Variants in ZCCHC17 observed in about 807,000 individuals in gnomAD.
ZCCHC17 encodes zinc finger CCHC-type containing 17.
A neutral mutation model predicts 30.6 loss-of-function variants in ZCCHC17; 18 were observed. The observed-to-expected ratio is 0.59, with a 90% CI of 0.41 to 0.87. ZCCHC17 has a LOEUF of 0.87. ZCCHC17 is among the 40% of genes least tolerant of loss of function. The pLI, the probability that ZCCHC17 is intolerant of heterozygous loss-of-function variation, is 0.00. For missense variants in ZCCHC17, 263 were observed against 284.2 expected, an observed-to-expected ratio of 0.93 and a Z score of 0.54; for synonymous variants, 88 against 92.4, an observed-to-expected ratio of 0.95 and a Z score of 0.27.
In ZCCHC17 at chr1:31,349,203, A is replaced by G. The variant is rs565294761; in HGVS notation, c.564+229A>G. Among the ~76,000 whole-genome samples, 7 of 152,176 alleles carry G rather than the reference A, an allele frequency of 4.6e-5. No individual in the cohort carries two copies. The East Asian group carries it at 1.4e-3, about 29-fold the overall frequency. On this transcript the variant is annotated intron_variant, in intron 7 of 7. Transcript: ENST00000344147. ...ATAGTGAGACCCAATCTCTAAAAAG[A>G]AATTTTTTTTGTTAAAAAAAAAAGA... is the stretch of plus-strand genomic sequence containing the variant.
At position 31,350,110 on chromosome 1, in the gene ZCCHC17, A is replaced by G. The variant is rs16834392; in HGVS notation, c.564+1136A>G. Reference sequence around the variant, plus strand: ...ATTGTGGTCCAGAAAGAAACAGTGCATTTGTAGCATGCTACACAGACAATA... The same window carrying G: ...ATTGTGGTCCAGAAAGAAACAGTGCGTTTGTAGCATGCTACACAGACAATA... On this transcript the variant is annotated intron_variant, in intron 7 of 7. Transcript: ENST00000344147. 8.4e-3 allele frequency among the ~76,000 whole-genome samples: 1,286 copies of G among 152,328 alleles called. 14 individuals are homozygous for G. Among genetic ancestry groups the G allele is most frequent in the South Asian group, 0.043 (208 of 4,820 alleles).
chr1:31,337,095 C>A, intron 3 of ZCCHC17, 80 bp from the exon 4 acceptor site: 1 of 1,344,542 alleles, frequency 7.4e-7, no homozygotes. Context: ...CATTCCCCAA[C>A]TCTTACCTTC....
intron 3 of ZCCHC17, among the ~76,000 whole-genome samples, chr1:31,335,121 C>T (rs558898234): frequency 7.9e-5 from 12 of 152,332 alleles, no homozygotes; most frequent in Non-Finnish European, 8.8e-5. Context: ...GCTGGGACTT[C>T]AGCCTTTGCT....
intron 2 of ZCCHC17, among the ~76,000 whole-genome samples, chr1:31,315,206 T>C (rs1246949851): frequency 6.6e-6 from 1 of 152,210 alleles, no homozygotes; most frequent in Admixed American, 6.5e-5. Flanking sequence ...GGCATCCCTT[T>C]TTTAAAGTTG....
intron 3 of ZCCHC17, among the ~76,000 whole-genome samples, chr1:31,326,382 G>C (rs747557378): frequency 1.1e-4 from 17 of 152,148 alleles, no homozygotes; most frequent in African/African-American, 2.4e-5. Flanking sequence ...CTTTGCTTAA[G>C]AAATGGTTTA....
intron 2 of ZCCHC17, 123 bp downstream of exon 2, chr1:31,310,287 C>T: frequency 1.1e-6 from 1 of 877,666 alleles, no homozygotes; most frequent in African/African-American, 1.7e-5. Flanking sequence ...ATGGGAAGGG[C>T]CAGCGGAACA....
chr1:31,316,928 A>G (rs539791806), intron 2 of ZCCHC17, among the ~76,000 whole-genome samples: 1 of 152,250 alleles, frequency 6.6e-6, no homozygotes, highest in African/African-American at 2.4e-5. Context: ...ATCTATTTCC[A>G]TCCTAACATT....
At position 31,319,085 on chromosome 1, in the gene ZCCHC17, G is replaced by A. The variant is rs1646799936; in HGVS notation, c.67-24G>A. ...GAAAGATTCTCATGTATGTGACATTGATTTTTTTCCCCCATCTTTATAGGT... is the reference window on the plus strand; with the variant it reads ...GAAAGATTCTCATGTATGTGACATTAATTTTTTTCCCCCATCTTTATAGGT... On this transcript the variant is annotated intron_variant, in intron 2 of 7. Transcript: ENST00000344147. 4.4e-6 allele frequency: 7 copies of A among 1,599,416 alleles called. No individual in the cohort carries two copies. The East Asian group carries it at 1.6e-4, about 36-fold the overall frequency.
At chr1:31,297,677 A>G (rs912673723) in intron 1 of ZCCHC17, among the ~76,000 whole-genome samples, 1 of 152,176 alleles carries the variant, frequency 6.6e-6, no homozygotes, top group African/African-American at 2.4e-5. Context: ...TCACTAATAC[A>G]TGGAAATGCC....
At chr1:31,311,576 C>T (rs1366173820) in intron 2 of ZCCHC17, among the ~76,000 whole-genome samples, 1 of 152,186 alleles carries the variant, frequency 6.6e-6, no homozygotes, top group Non-Finnish European at 1.5e-5. Context: ...GATTTGGTGT[C>T]TAGTGAAGAC....
At chr1:31,349,828 T>C (rs1639406830) in intron 7 of ZCCHC17, among the ~76,000 whole-genome samples, 1 of 152,214 alleles carries the variant, frequency 6.6e-6, no homozygotes, top group Non-Finnish European at 1.5e-5. Context: ...TATGATGATA[T>C]ATTTAATTAT....
At chr1:31,358,682 G>A (rs1249922285) in intron 7 of ZCCHC17, among the ~76,000 whole-genome samples, 4 of 151,998 alleles carry the variant, frequency 2.6e-5, no homozygotes, top group Non-Finnish European at 4.4e-5. Context: ...CTACACAGAT[G>A]GAAAGATAGC....
intron 1 of ZCCHC17, among the ~76,000 whole-genome samples, chr1:31,305,623 G>C (rs972779949): frequency 1.3e-5 from 2 of 151,714 alleles, no homozygotes; most frequent in African/African-American, 4.8e-5. Flanking sequence ...AAAATATTTT[G>C]TGGAGATGGG....
intron 7 of ZCCHC17, among the ~76,000 whole-genome samples, chr1:31,358,311 C>A (rs754914065): frequency 5.3e-5 from 8 of 152,184 alleles, no homozygotes; most frequent in Non-Finnish European, 8.8e-5. Flanking sequence ...GGGAGGATTT[C>A]ATCTTTCACT....
intron 7 of ZCCHC17, among the ~76,000 whole-genome samples, chr1:31,354,625 C>T (rs779465915): frequency 1.1e-4 from 16 of 152,160 alleles, no homozygotes; most frequent in Admixed American, 2.6e-4. Flanking sequence ...ATGGATATCT[C>T]ACTTCTGTGG....
rs1291988924 is a variant in ZCCHC17, at chr1:31,337,167, G to T, written c.125-8G>T. On this transcript the variant is annotated splice_polypyrimidine_tract_variant and splice_region_variant and intron_variant, in intron 3 of 7. Coordinates refer to ENST00000344147, the MANE Select transcript of ZCCHC17 (RefSeq NM_016505.4). Reference sequence around the variant, plus strand: ...CTGCTTTACGTTATTTCTTCTTCTTGTGCCCAGGTCTGGTCCATCGAACTC... The same window carrying T: ...CTGCTTTACGTTATTTCTTCTTCTTTTGCCCAGGTCTGGTCCATCGAACTC... 2.5e-6 allele frequency: 4 copies of T among 1,611,070 alleles called. No homozygotes were observed. Among genetic ancestry groups the T allele is most frequent in the African/African-American group, 1.3e-5 (1 of 74,516 alleles).
At chr1:31,327,854 G>T (rs1638420316) in intron 3 of ZCCHC17, among the ~76,000 whole-genome samples, 1 of 152,152 alleles carries the variant, frequency 6.6e-6, no homozygotes, top group South Asian at 2.1e-4. Context: ...TGAGGAAGGG[G>T]GAGAATGGTT....
intron 5 of ZCCHC17, among the ~76,000 whole-genome samples, chr1:31,340,347 C>T (rs1373103832): frequency 1.2e-4 from 11 of 92,942 alleles, no homozygotes; most frequent in African/African-American, 4.1e-4. Context: ...AGACAAGTTT[C>T]ACTCTTGTTG....
intron 1 of ZCCHC17, among the ~76,000 whole-genome samples, chr1:31,304,603 T>G (rs1322103835): frequency 5.5e-5 from 8 of 144,248 alleles, no homozygotes; most frequent in African/African-American, 1.8e-4. Flanking sequence ...TATACTCTTA[T>G]TTTTTTTTTT....
Sources: allele counts gnomAD v4.1 joint callset (sites outside exome capture counted in the v4.1 genomes callset), GRCh38; gene constraint gnomAD v4.1.1; transcripts MANE v1.5; gene names NCBI Gene and HGNC (gene_info 2026-07-23, HGNC 2026-07-21).